Variants in DPP10 observed in about 807,000 individuals in gnomAD.
The protein encoded by DPP10 is inactive dipeptidyl peptidase 10.
In DPP10, 33 loss-of-function variants were observed where a neutral mutation model predicts 120.9. That is an observed-to-expected ratio of 0.27 (90% confidence interval 0.21 to 0.37). The LOEUF (loss-of-function observed/expected upper bound fraction) is 0.37. DPP10 is among the 10% of genes least tolerant of loss of function. The pLI, the probability that DPP10 is intolerant of heterozygous loss-of-function variation, is 1.00. For synonymous variants in DPP10, 337 were observed against 326.1 expected, an observed-to-expected ratio of 1.03 and a Z score of -0.36; for missense variants, 816 against 942.8, an observed-to-expected ratio of 0.87 and a Z score of 1.76.
chr2:115,598,307 G>A (rs1465958376), intron 5 of DPP10, among the ~76,000 whole-genome samples: 2 of 151,364 alleles, frequency 1.3e-5, no homozygotes, highest in East Asian at 3.9e-4. Flanking sequence ...TTCTATGATG[G>A]TCATCTTTTA....
At chr2:115,357,020 C>T (rs2064438800) in intron 3 of DPP10, among the ~76,000 whole-genome samples, 1 of 152,178 alleles carries the variant, frequency 6.6e-6, no homozygotes, top group Admixed American at 6.5e-5. Flanking sequence ...TGCCCCTTTC[C>T]TCTCTCCCAT....
At chr2:114,772,132 C>A (rs1681322411) in intron 1 of DPP10, among the ~76,000 whole-genome samples, 1 of 150,804 alleles carries the variant, frequency 6.6e-6, no homozygotes, top group Non-Finnish European at 1.5e-5. Context: ...ATCTTTATGT[C>A]CTTATTTTAT....
chr2:115,345,629 A>G (rs2063675019), intron 3 of DPP10, among the ~76,000 whole-genome samples: 1 of 152,086 alleles, frequency 6.6e-6, no homozygotes, highest in African/African-American at 2.4e-5. Flanking sequence ...AAAACATGAA[A>G]AATTATGGGT....
intron 1 of DPP10, among the ~76,000 whole-genome samples, chr2:114,632,590 G>T (rs1159302248): frequency 5.3e-5 from 7 of 132,258 alleles, no homozygotes; most frequent in Non-Finnish European, 4.6e-5. Flanking sequence ...TCGGCTCACT[G>T]CAAGCTCTGC....
rs1322581246 is a variant in DPP10, at chr2:114,845,631, T to A, written c.60+402793T>A. Reference sequence around the variant, plus strand: ...CAGGCTCCCCTAAGTGTTGTCTCACTCAGCTGGATGGCATGTGAACCACAA... The same window carrying A: ...CAGGCTCCCCTAAGTGTTGTCTCACACAGCTGGATGGCATGTGAACCACAA... On this transcript the variant is annotated intron_variant, in intron 1 of 25. Coordinates refer to ENST00000410059, the MANE Select transcript of DPP10 (RefSeq NM_020868.6). 1.3e-5 allele frequency among the ~76,000 whole-genome samples: 2 copies of A among 152,156 alleles called. 1 individual carries two copies. Among genetic ancestry groups the A allele is most frequent in the African/African-American group, 4.8e-5 (2 of 41,444 alleles).
intron 5 of DPP10, among the ~76,000 whole-genome samples, chr2:115,592,591 A>C (rs1047688779): frequency 0.015 from 3 of 198 alleles, no homozygotes; most frequent in South Asian, 0.25. Context: ...AAAAAAAACA[A>C]AAAAAAAAAC....
chr2:115,158,483 T>A (rs549565376), intron 1 of DPP10, among the ~76,000 whole-genome samples: 27 of 152,324 alleles, frequency 1.8e-4, no homozygotes, highest in African/African-American at 6.3e-4. Context: ...TCTGTCTACA[T>A]GTGAACCCAA....
At chr2:114,611,756 G>A (rs1487847483) in intron 1 of DPP10, among the ~76,000 whole-genome samples, 1 of 152,034 alleles carries the variant, frequency 6.6e-6, no homozygotes, top group Non-Finnish European at 1.5e-5. Flanking sequence ...AATCACCCAA[G>A]ATATTAATCA....
At chr2:115,002,908 T>C (rs1044939028) in intron 1 of DPP10, among the ~76,000 whole-genome samples, 1 of 152,126 alleles carries the variant, frequency 6.6e-6, no homozygotes, top group Non-Finnish European at 1.5e-5. Flanking sequence ...TATATACTGC[T>C]GATGGGAGTG....
At chr2:115,697,956 G>T (rs2091684929) in intron 7 of DPP10, among the ~76,000 whole-genome samples, 1 of 152,138 alleles carries the variant, frequency 6.6e-6, no homozygotes. Context: ...ACTCCAGCTT[G>T]GGCGAGAGAG....
intron 1 of DPP10, among the ~76,000 whole-genome samples, chr2:115,158,798 T>C (rs1458514818): frequency 6.6e-6 from 1 of 152,190 alleles, no homozygotes; most frequent in Non-Finnish European, 1.5e-5. Context: ...GAATCTTTTT[T>C]TTAAAAAACT....
intron 4 of DPP10, among the ~76,000 whole-genome samples, chr2:115,510,982 A>C (rs2077193129): frequency 6.6e-6 from 1 of 152,046 alleles, no homozygotes; most frequent in South Asian, 2.1e-4. Flanking sequence ...TGTGTGTTGA[A>C]TGCTTATCCT....
At position 115,669,075 on chromosome 2, in the gene DPP10, A is replaced by G. The variant is rs187939937; in HGVS notation, c.442-20612A>G. ...ATAAAGCTTTTGTTCTACAGTAAAT[A>G]TAGAAAAGGATCTGGTTTCTTAGAC... On this transcript the variant is annotated intron_variant, in intron 5 of 25. Coordinates refer to ENST00000410059, the MANE Select transcript of DPP10 (RefSeq NM_020868.6). Among the ~76,000 whole-genome samples, 225 of 152,208 alleles carry G rather than the reference A, an allele frequency of 1.5e-3. 1 individual carries two copies. The highest frequency in any genetic ancestry group is 3.1e-3 in the South Asian group (15 of 4,828).
intron 5 of DPP10, among the ~76,000 whole-genome samples, chr2:115,586,088 C>T (rs1213482222): frequency 6.6e-6 from 1 of 151,936 alleles, no homozygotes; most frequent in Non-Finnish European, 1.5e-5. Flanking sequence ...TTTGGGAGGC[C>T]GAGGCAGGTG....
At chr2:115,531,155 T>A (rs1254779128) in intron 5 of DPP10, among the ~76,000 whole-genome samples, 1 of 151,734 alleles carries the variant, frequency 6.6e-6, no homozygotes, top group Non-Finnish European at 1.5e-5. Context: ...TGAGTTTTTT[T>A]TTTTTTTTCC....
chr2:114,756,999 C>T (rs1257269525), intron 1 of DPP10, among the ~76,000 whole-genome samples: 1 of 151,622 alleles, frequency 6.6e-6, no homozygotes, highest in Non-Finnish European at 1.5e-5. Context: ...TAGCACCTAG[C>T]CTAACGCTCA....
At chr2:115,589,766 G>A (rs548341246) in intron 5 of DPP10, among the ~76,000 whole-genome samples, 1 of 152,262 alleles carries the variant, frequency 6.6e-6, no homozygotes, top group African/African-American at 2.4e-5. Context: ...TTTAACTTGA[G>A]TTGACATTAA....
At chr2:114,892,133 G>A (rs871530) in intron 1 of DPP10, among the ~76,000 whole-genome samples, 41,598 of 152,026 alleles carry the variant, frequency 0.27, 6,208 homozygotes, top group East Asian at 0.59. Flanking sequence ...TATAATTAAT[G>A]TCCTATAAAC....
At chr2:115,654,344 C>T (rs992645547) in intron 5 of DPP10, among the ~76,000 whole-genome samples, 13 of 151,950 alleles carry the variant, frequency 8.6e-5, no homozygotes, top group Non-Finnish European at 1.6e-4. Context: ...TATTAAAATT[C>T]CATTAATAAC....
Sources: gnomAD v4.1 joint callset for allele counts (sites outside exome capture counted in the v4.1 genomes callset) on GRCh38, gnomAD v4.1.1 for gene constraint, MANE v1.5 for transcripts, NCBI Gene and HGNC (gene_info 2026-07-23, HGNC 2026-07-21) for gene names.